TBC1D4: variants seen among roughly 807,000 people sequenced by gnomAD.
TBC1D4 encodes TBC1 domain family member 4, also known as TBC (Tre-2, BUB2, CDC16) domain-containing protein.
Under a neutral mutation model 142.5 loss-of-function variants are expected in TBC1D4, and 121 were observed. That is an observed-to-expected ratio of 0.85 (90% CI 0.73 to 0.99). The LOEUF is 0.99. TBC1D4 is among the 50% of genes least tolerant of loss of function. The pLI is 0.00. For synonymous variants in TBC1D4, 630 were observed against 628.2 expected (o/e 1.00, Z -0.04); for missense variants, 1,475 against 1,606.6 (o/e 0.92, Z 1.40).
chr13:75,340,942 G>A (rs957377544), intron 7 of TBC1D4, among the ~76,000 whole-genome samples, 183 bp downstream of exon 7: 4 of 151,380 alleles, frequency 2.6e-5, no homozygotes, highest in South Asian at 2.1e-4. Flanking sequence ...GTGAAACTCC[G>A]TCTTAAAAAC....
At position 75,341,591 on chromosome 13, in the gene TBC1D4, A is replaced by G. The variant is rs769355534; in HGVS notation, c.1409-4T>C. 5.0e-6 allele frequency: 8 copies of G among 1,611,916 alleles called. No individual in the cohort carries two copies. The highest frequency in any genetic ancestry group is 1.7e-4 in the Middle Eastern group (1 of 6,060). On this transcript the variant is annotated splice_region_variant and splice_polypyrimidine_tract_variant and intron_variant, in intron 5 of 20. Coordinates refer to ENST00000377636, the MANE Select transcript of TBC1D4 (RefSeq NM_014832.5). ...TTGGCTCTTGGTGGGTAGAGACCTAAGGAAAATGATGAGGGAAGGTATTAA... is the reference window on the plus strand; with the variant it reads ...TTGGCTCTTGGTGGGTAGAGACCTAGGGAAAATGATGAGGGAAGGTATTAA...
intron 1 of TBC1D4, among the ~76,000 whole-genome samples, chr13:75,367,780 T>C: frequency 6.6e-6 from 1 of 152,160 alleles, no homozygotes; most frequent in Non-Finnish European, 1.5e-5. Context: ...GAAAGCGTAA[T>C]GGTATGAAGT....
intron 1 of TBC1D4, among the ~76,000 whole-genome samples, chr13:75,401,963 G>T (rs1346797371): frequency 6.6e-6 from 1 of 152,194 alleles, no homozygotes; most frequent in Non-Finnish European, 1.5e-5. Flanking sequence ...TTTTGCTGAA[G>T]TGAACACTTC....
chr13:75,294,908 A>AC lies in TBC1D4; in HGVS notation c.3261dup (p.Phe1088ValfsTer19). The AC allele has an allele frequency of 1.2e-6, 2 of 1,614,006 alleles. No homozygotes were observed. The highest frequency in any genetic ancestry group is 1.7e-6 in the Non-Finnish European group (2 of 1,179,904). ...AACTGAGAGGCAAACAATGTGAGGA[A>AC]CCAGGGGGCAGCATAAAGACTGGGG... On this transcript the variant is annotated frameshift_variant, in exon 18 of 21. Coordinates refer to ENST00000377636, the MANE Select transcript of TBC1D4 (RefSeq NM_014832.5). LOFTEE classifies it high-confidence loss of function.
At chr13:75,395,076 A>C (rs186906092) in intron 1 of TBC1D4, among the ~76,000 whole-genome samples, 5 of 152,350 alleles carry the variant, frequency 3.3e-5, no homozygotes. Flanking sequence ...GAAATCAAAA[A>C]ATATTTATCC....
intron 1 of TBC1D4, among the ~76,000 whole-genome samples, chr13:75,396,619 A>AGTT: frequency 6.6e-6 from 1 of 152,318 alleles, no homozygotes; most frequent in African/African-American, 2.4e-5. Flanking sequence ...ATCAATTTTT[A>AGTT]AAACCCAATA....
In TBC1D4 at chr13:75,362,795, G is replaced by A. The variant is rs1179560271; in HGVS notation, c.499-188C>T. Among the ~76,000 whole-genome samples the A allele has an allele frequency of 1.3e-5, 2 of 152,152 alleles. No homozygotes were observed. The highest frequency in any genetic ancestry group is 1.3e-4 in the Admixed American group (2 of 15,280). On this transcript the variant is annotated intron_variant, in intron 1 of 20. Coordinates refer to ENST00000377636, the MANE Select transcript of TBC1D4 (RefSeq NM_014832.5). This position sits in a 1 kb window ranked among gnomAD's most constrained non-coding sequence, Gnocchi z 4.2. ...AATGACTTCAAGATAAAATTAAAAT[G>A]TAATGAAAATTGAAATTGAATAGCA... is the stretch of plus-strand genomic sequence containing the variant.
At chr13:75,304,665 C>T (rs905925250) in intron 15 of TBC1D4, among the ~76,000 whole-genome samples, 4 of 151,858 alleles carry the variant, frequency 2.6e-5, no homozygotes, top group Non-Finnish European at 5.9e-5. Flanking sequence ...GGGCTTAAAG[C>T]GCAGGCAGCA....
chr13:75,388,149 C>T (rs1450165209), intron 1 of TBC1D4, among the ~76,000 whole-genome samples: 1 of 152,200 alleles, frequency 6.6e-6, no homozygotes, highest in Non-Finnish European at 1.5e-5. Context: ...CTTCTACCTT[C>T]CTCTTCCCTG....
intron 1 of TBC1D4, among the ~76,000 whole-genome samples, chr13:75,417,780 G>T (rs546593477): frequency 1.6e-4 from 24 of 152,312 alleles, no homozygotes; most frequent in African/African-American, 5.3e-4. Context: ...ATAAATAAAT[G>T]CCTCAGGTGG....
At chr13:75,437,243 T>C (rs965697668) in intron 1 of TBC1D4, among the ~76,000 whole-genome samples, 2 of 152,188 alleles carry the variant, frequency 1.3e-5, no homozygotes, top group African/African-American at 4.8e-5. Context: ...ATTTTTATGG[T>C]AGCACGGTGG....
At chr13:75,394,159 C>T (rs188007225) in intron 1 of TBC1D4, among the ~76,000 whole-genome samples, 408 of 152,160 alleles carry the variant, frequency 2.7e-3, no homozygotes, top group African/African-American at 9.1e-3. Context: ...TTACAATTAC[C>T]TTATAAGACA....
chr13:75,341,047 C>G, intron 7 of TBC1D4, 78 bp downstream of exon 7: 5 of 1,288,168 alleles, frequency 3.9e-6, no homozygotes, highest in Non-Finnish European at 5.7e-6. Flanking sequence ...CCCTAAAGAA[C>G]CTGAGAGTAC....
rs1166285679 is a variant in TBC1D4 at position 75,362,179 on chromosome 13, C to G, written c.927G>C (p.Gln309His). Residue 309 changes from glutamine (Q) to histidine (H), a missense_variant, in exon 2 of 21, where the codon CAG becomes CAC. Physicochemically the swap from Gln to His is conservative, Grantham distance 24 (BLOSUM62 0). Around this residue, in one of 2 missense-constraint regions of TBC1D4, gnomAD observed 1,227 missense variants for 1,267.7 expected, o/e 0.97. Transcript: ENST00000377636. This position sits in a 1 kb window ranked among gnomAD's most constrained non-coding sequence, Gnocchi z 4.2. ...TGCTGCACCGAGACCGAAACTCCTG[C>G]TGCTCATCAAAGCCAGAATCTTCCA... ...RILEDSGFDEQQEFRSRCSSV... is the reference protein window; with the variant it reads ...RILEDSGFDEHQEFRSRCSSV... 6.2e-7 allele frequency: 1 copy of G among 1,613,728 alleles called. No individual in the cohort carries two copies. The highest frequency in any genetic ancestry group is 1.7e-5 in the Admixed American group (1 of 60,030).
At chr13:75,429,304 T>C (rs1248289894) in intron 1 of TBC1D4, among the ~76,000 whole-genome samples, 2 of 152,172 alleles carry the variant, frequency 1.3e-5, no homozygotes, top group East Asian at 3.8e-4. Context: ...CTCTTCATAA[T>C]CTCCATCACT....
chr13:75,377,703 T>A (rs1040273641), intron 1 of TBC1D4, among the ~76,000 whole-genome samples: 2 of 86,014 alleles, frequency 2.3e-5, no homozygotes, highest in Admixed American at 2.5e-4. Context: ...AAATATATAT[T>A]ATATATATAT....
chr13:75,322,940 C>T (rs555927273), intron 11 of TBC1D4, among the ~76,000 whole-genome samples: 1 of 152,086 alleles, frequency 6.6e-6, no homozygotes, highest in East Asian at 1.9e-4. Context: ...AAATCAAATT[C>T]ACTGTTGGAA....
intron 1 of TBC1D4, among the ~76,000 whole-genome samples, chr13:75,444,608 T>C (rs1026275375): frequency 1.3e-5 from 2 of 152,220 alleles, no homozygotes; most frequent in African/African-American, 4.8e-5. Context: ...AAATCTGGAA[T>C]CCTGGATTTA....
At chr13:75,445,315 T>C (rs900543912) in intron 1 of TBC1D4, among the ~76,000 whole-genome samples, 3 of 152,214 alleles carry the variant, frequency 2.0e-5, no homozygotes, top group East Asian at 1.9e-4. Context: ...CAAGTGGTTA[T>C]TGAATAATTA....
Sources: gnomAD v4.1 joint callset for allele counts (sites outside exome capture counted in the v4.1 genomes callset) on GRCh38, gnomAD v4.1.1 for gene constraint, gnomAD v4.1.1 regional missense constraint, Gnocchi (gnomAD v3.1) non-coding constraint, MANE v1.5 for transcripts, NCBI Gene and HGNC (gene_info 2026-07-23, HGNC 2026-07-21) for gene names.